Variants in NEK10 observed in about 807,000 individuals in gnomAD.
NEK10 encodes the protein serine/threonine-protein kinase Nek10.
NEK10 carries 122 observed loss-of-function variants against 159.8 expected under a neutral mutation model. That is an observed-to-expected ratio of 0.76 (90% CI 0.66 to 0.89). NEK10 has a LOEUF of 0.89. NEK10 is among the 40% of genes least tolerant of loss of function. The pLI is 0.00. For synonymous variants in NEK10, 466 were observed against 457.1 expected (o/e 1.02, Z -0.25); for missense variants, 1,342 against 1,323.1 (o/e 1.01, Z -0.22).
chr3:27,169,749 T>TAGA (rs1359348268), intron 29 of NEK10, among the ~76,000 whole-genome samples: 1 of 152,102 alleles, frequency 6.6e-6, no homozygotes, highest in Non-Finnish European at 1.5e-5. Flanking sequence ...AACCCAGAGG[T>TAGA]AGATCCAGGT....
chr3:27,343,320 C>T (rs150866962), intron 5 of NEK10, among the ~76,000 whole-genome samples: 270 of 152,294 alleles, frequency 1.8e-3, no homozygotes, highest in African/African-American at 5.1e-3. Context: ...TGTCAGAATG[C>T]TGTTCTACTT....
chr3:27,291,270 C>T lies in NEK10; in HGVS notation c.1597G>A (p.Val533Ile), dbSNP rs747323461. 3.1e-6 allele frequency: 5 copies of T among 1,612,374 alleles called. No homozygotes were observed. Among genetic ancestry groups the T allele is most frequent in the Non-Finnish European group, 3.4e-6 (4 of 1,179,528 alleles). The change falls in exon 18 of 36, where the codon GTT becomes ATT. Residue 533 changes from valine to isoleucine, a missense_variant. Coordinates refer to ENST00000691995, the MANE Select transcript of NEK10 (RefSeq NM_001394966.1). Reference sequence around the variant, plus strand: ...CCCAAGGGGAAAGTCACCTTGTAAACACAGCCAAAAGCTCCACTTCCAAGA... The same window carrying T: ...CCCAAGGGGAAAGTCACCTTGTAAATACAGCCAAAAGCTCCACTTCCAAGA... Reference protein sequence around the residue: ...DHLGSGAFGCVYKVRKHSGQN... With the variant: ...DHLGSGAFGCIYKVRKHSGQN...
chr3:27,348,555 T>A (rs2047733424), intron 3 of NEK10, among the ~76,000 whole-genome samples: 1 of 152,156 alleles, frequency 6.6e-6, no homozygotes, highest in African/African-American at 2.4e-5. Context: ...AGTTTGTCTA[T>A]CTTCTGTGTG....
chr3:27,231,163 C>A (rs1480268270), intron 23 of NEK10, among the ~76,000 whole-genome samples: 1 of 151,944 alleles, frequency 6.6e-6, no homozygotes, highest in Non-Finnish European at 1.5e-5. Context: ...TATGAAGTAT[C>A]TTCTCAAACC....
intron 30 of NEK10, among the ~76,000 whole-genome samples, chr3:27,143,259 C>T (rs1432292755): frequency 6.6e-6 from 1 of 152,168 alleles, no homozygotes; most frequent in East Asian, 1.9e-4. Flanking sequence ...ATTAACTTTG[C>T]ATTCTCTGAA....
chr3:27,127,756 T>C (rs1350419054), intron 32 of NEK10, among the ~76,000 whole-genome samples: 1 of 152,246 alleles, frequency 6.6e-6, no homozygotes, highest in East Asian at 1.9e-4. Flanking sequence ...CAAACACTTT[T>C]AGAGTTTCTA....
At chr3:27,348,581 C>T (rs554067089) in intron 3 of NEK10, among the ~76,000 whole-genome samples, 2 of 152,288 alleles carry the variant, frequency 1.3e-5, no homozygotes, top group East Asian at 3.9e-4. Flanking sequence ...TCTCTCCACA[C>T]CTGGGCATCT....
At chr3:27,158,248 T>C (rs139387269) in intron 30 of NEK10, among the ~76,000 whole-genome samples, 80 of 152,298 alleles carry the variant, frequency 5.3e-4, no homozygotes, top group African/African-American at 1.9e-3. Context: ...AATTATATAG[T>C]ATAGACTAGT....
At chr3:27,304,510 G>T (rs1231095846) in intron 12 of NEK10, among the ~76,000 whole-genome samples, 1 of 152,148 alleles carries the variant, frequency 6.6e-6, no homozygotes, top group Non-Finnish European at 1.5e-5. Context: ...TGTACTGGAG[G>T]TTGGTGATGC....
At chr3:27,167,439 T>C (rs926122802) in intron 29 of NEK10, among the ~76,000 whole-genome samples, 1 of 152,184 alleles carries the variant, frequency 6.6e-6, no homozygotes, top group African/African-American at 2.4e-5. Flanking sequence ...CTTAAGATGG[T>C]CGTAAAACAA....
intron 20 of NEK10, among the ~76,000 whole-genome samples, chr3:27,287,439 T>A (rs1559434015): frequency 6.6e-6 from 1 of 152,228 alleles, no homozygotes; most frequent in Admixed American, 6.5e-5. Context: ...TTTTTGTATA[T>A]GAGAATAGCA....
rs187971651 is a variant in NEK10, at chr3:27,215,860, C to T, written c.2091-13303G>A. On this transcript the variant is annotated intron_variant, in intron 23 of 35. Transcript: ENST00000691995. ...TGTGGCCAGAGCAGGAGCAGGAGAG[C>T]GAAGGTAGAGGTGCTGCACACTTTA... 4.5e-4 allele frequency: 321 copies of T among 716,634 alleles called. 2 individuals carry two copies. In the African/African-American group the frequency reaches 4.8e-3, roughly 11 times the overall value. The allele number at this position is 716,634 out of a possible 1,614,324, so 44.4% of individuals were successfully genotyped here.
Position 27,192,113 on chromosome 3 carries a change from C to T in NEK10, c.2421G>A (p.Arg807=), listed in dbSNP as rs1247961920. 1 of 1,614,182 alleles carries T rather than the reference C, an allele frequency of 6.2e-7. No individual in the cohort carries two copies. The highest frequency in any genetic ancestry group is 1.1e-5 in the South Asian group (1 of 91,086). ...SQLSLEKKLE[R]ERRRTQRYFM... is the part of the protein sequence containing the mutation. ...AATACCTTTGTGTGCGTCTTCGTTC[C>T]CGTTCTAGCTTCTTTTCCAAGGACA... The change falls in exon 26 of 36, where the codon CGG becomes CGA. Residue 807 remains arginine (R), a synonymous_variant. Transcript: ENST00000691995.
chr3:27,233,557 C>G (rs1238360936), intron 23 of NEK10, among the ~76,000 whole-genome samples: 1 of 151,826 alleles, frequency 6.6e-6, no homozygotes, highest in African/African-American at 2.4e-5. Context: ...TACTGGGTAC[C>G]TACCAAAAGG....
At chr3:27,364,351 TGTGTGTG>T (rs2048902129) in intron 1 of NEK10, among the ~76,000 whole-genome samples, 1 of 470 alleles carries the variant, frequency 2.1e-3, no homozygotes, top group Non-Finnish European at 4.5e-3. Context: ...TGGCTAATTG[TGTGTGTG>T]TGTGTGTGTG....
chr3:27,256,910 CTCTTTT>C (rs1956249875), intron 22 of NEK10, among the ~76,000 whole-genome samples: 2 of 137,108 alleles, frequency 1.5e-5, no homozygotes, highest in Non-Finnish European at 3.1e-5. Context: ...TCTTTTTTCT[CTCTTTT>C]TTTTTTTTTT....
At chr3:27,250,805 A>T (rs1200494545) in intron 23 of NEK10, among the ~76,000 whole-genome samples, 2 of 151,934 alleles carry the variant, frequency 1.3e-5, no homozygotes, top group South Asian at 2.1e-4. Flanking sequence ...GGTCCATTGC[A>T]TGTTATTTGT....
chr3:27,287,599 A>G, intron 20 of NEK10, 99 bp downstream of exon 20: 2 of 1,314,332 alleles, frequency 1.5e-6, no homozygotes, highest in East Asian at 2.7e-5. Flanking sequence ...AAAGGTCAAT[A>G]AAATAGTTGA....
chr3:27,141,646 G>A, intron 30 of NEK10, 64 bp from the exon 31 acceptor site: 1 of 1,279,736 alleles, frequency 7.8e-7, no homozygotes, highest in Non-Finnish European at 1.1e-6. Flanking sequence ...GTGAAAAAAT[G>A]AAGTAAAATT....
Sources: gnomAD v4.1 joint callset for allele counts (sites outside exome capture counted in the v4.1 genomes callset) on GRCh38, gnomAD v4.1.1 for gene constraint, MANE v1.5 for transcripts, NCBI Gene and HGNC (gene_info 2026-07-23, HGNC 2026-07-21) for gene names.